Variants in ADAMTS6 observed in about 807,000 individuals in gnomAD.
The protein encoded by ADAMTS6 is ADAM metallopeptidase with thrombospondin type 1 motif 6, also known as A disintegrin and metalloproteinase with thrombospondin motifs 6.
A neutral mutation model predicts 144.3 loss-of-function variants in ADAMTS6; 23 were observed. The ratio of observed to expected loss-of-function variants is 0.16; its 90% confidence interval spans 0.11 to 0.23. The LOEUF (loss-of-function observed/expected upper bound fraction) is 0.23. ADAMTS6 is among the 10% of genes least tolerant of loss of function. The probability of loss-of-function intolerance (pLI) is 1.00; values close to 1 mark genes in which losing one functional copy is unlikely to be tolerated. For missense variants in ADAMTS6, 999 were observed against 1,379.6 expected, an observed-to-expected ratio of 0.72 and a Z score of 4.37; for synonymous variants, 444 against 457.5, an observed-to-expected ratio of 0.97 and a Z score of 0.38.
chr5:65,444,001 TAAAC>T (rs1340069364), intron 7 of ADAMTS6, among the ~76,000 whole-genome samples: 2 of 152,106 alleles, frequency 1.3e-5, no homozygotes, highest in Non-Finnish European at 2.9e-5. Flanking sequence ...AATAAATAAA[TAAAC>T]AAATAAAAGT....
Position 65,170,692 on chromosome 5 carries a change from G to T in ADAMTS6, c.3169C>A (p.Leu1057Ile), listed in dbSNP as rs1753562603. 3.1e-6 allele frequency: 5 copies of T among 1,614,108 alleles called. No homozygotes were observed. The highest frequency in any genetic ancestry group is 4.2e-6 in the Non-Finnish European group (5 of 1,180,016). ...SYTGQASSDCLETVRPPSMQQ... is the reference protein window; with the variant it reads ...SYTGQASSDCIETVRPPSMQQ... ...ATTGATGGAGGCCGAACAGTTTCTA[G>T]ACAGTCACTAGATGCCTGTCCGGTG... Residue 1057 changes from leucine (L) to isoleucine (I), a missense_variant, in exon 24 of 25, where the codon CTA becomes ATA. Leu to Ile is a conservative substitution (Grantham distance 5). Coordinates refer to ENST00000381055, the MANE Select transcript of ADAMTS6 (RefSeq NM_197941.4).
intron 10 of ADAMTS6, among the ~76,000 whole-genome samples, chr5:65,294,583 T>C (rs774187141): frequency 8.5e-5 from 13 of 152,238 alleles, no homozygotes; most frequent in Non-Finnish European, 1.8e-4. Context: ...ATTTGTCTGC[T>C]ACTTTCCTGC....
chr5:65,450,247 T>C (rs936322464), intron 7 of ADAMTS6, among the ~76,000 whole-genome samples: 1 of 152,186 alleles, frequency 6.6e-6, no homozygotes, highest in Non-Finnish European at 1.5e-5. Flanking sequence ...TCAGCAAGCA[T>C]GTCATAAACC....
At chr5:65,257,554 T>C (rs530751723) in intron 14 of ADAMTS6, among the ~76,000 whole-genome samples, 21 of 152,206 alleles carry the variant, frequency 1.4e-4, no homozygotes, top group African/African-American at 5.1e-4. Flanking sequence ...TATCCTTACG[T>C]TTTTCTTGAT....
chr5:65,286,792 A>G (rs969779075), intron 11 of ADAMTS6, among the ~76,000 whole-genome samples: 1 of 152,220 alleles, frequency 6.6e-6, no homozygotes, highest in South Asian at 2.1e-4. Context: ...CAGTCAAAAG[A>G]TTACCCACAG....
chr5:65,410,224 C>T (rs941416953), intron 7 of ADAMTS6, among the ~76,000 whole-genome samples: 8 of 152,098 alleles, frequency 5.3e-5, no homozygotes, highest in East Asian at 1.9e-4. Context: ...TAACCAACTA[C>T]GCAACAAAAG....
rs532988472 is a variant in ADAMTS6, at chr5:65,207,431, G to T, written c.2575+7363C>A. 2.6e-5 allele frequency among the ~76,000 whole-genome samples: 4 copies of T among 152,152 alleles called. No homozygotes were observed. In the South Asian group the frequency reaches 8.3e-4, roughly 32 times the overall value. On this transcript the variant is annotated intron_variant, in intron 20 of 24. Coordinates refer to ENST00000381055, the MANE Select transcript of ADAMTS6 (RefSeq NM_197941.4). ...GTACTGCAAATAAACTATTCTTAAG[G>T]TTTATTTTCTAACAGAACAGGTACA...
chr5:65,358,926 G>GA (rs1457361295), intron 7 of ADAMTS6, among the ~76,000 whole-genome samples: 2 of 151,766 alleles, frequency 1.3e-5, no homozygotes, highest in South Asian at 2.1e-4. Flanking sequence ...AAAACTACTA[G>GA]AAAAAAACAT....
chr5:65,387,272 T>A (rs1752553165), intron 7 of ADAMTS6, among the ~76,000 whole-genome samples: 1 of 152,232 alleles, frequency 6.6e-6, no homozygotes, highest in South Asian at 2.1e-4. Context: ...CATATTCATA[T>A]TCACATTTAA....
chr5:65,442,109 G>T (rs1043491734), intron 7 of ADAMTS6, among the ~76,000 whole-genome samples: 3 of 144,418 alleles, frequency 2.1e-5, no homozygotes, highest in Admixed American at 2.1e-4. Context: ...AAAAAAAAAC[G>T]AAACCAAATT....
chr5:65,273,555 C>A, intron 11 of ADAMTS6, 108 bp from the exon 12 acceptor site: 1 of 816,644 alleles, frequency 1.2e-6, no homozygotes, highest in Non-Finnish European at 1.9e-6. Context: ...CCCTGGGTAC[C>A]TTTTGCTGCT....
At chr5:65,351,393 A>G (rs1440197608) in intron 7 of ADAMTS6, among the ~76,000 whole-genome samples, 1 of 116,534 alleles carries the variant, frequency 8.6e-6, no homozygotes, top group Admixed American at 8.0e-5. Flanking sequence ...AAAGTCTCAA[A>G]GAGTTAAGTT....
intron 3 of ADAMTS6, among the ~76,000 whole-genome samples, chr5:65,467,369 A>G (rs1478093819): frequency 6.6e-6 from 1 of 152,024 alleles, no homozygotes; most frequent in Non-Finnish European, 1.5e-5. Context: ...GAAATTAGGA[A>G]AGAAAACCCA....
chr5:65,323,430 C>T (rs972517964), intron 9 of ADAMTS6, among the ~76,000 whole-genome samples: 5 of 151,968 alleles, frequency 3.3e-5, no homozygotes, highest in African/African-American at 1.2e-4. Context: ...ATCCATGTCC[C>T]TACAAAGGAC....
rs192892962 is a variant in ADAMTS6 at position 65,247,480 on chromosome 5, C to T, written c.1831-5274G>A. Among the ~76,000 whole-genome samples the T allele has an allele frequency of 3.3e-5, 5 of 152,216 alleles. No individual in the cohort carries two copies. The East Asian group carries it at 9.7e-4, about 29-fold the overall frequency. ...GGTTTTGTCCCAAAGAATAGGGTGA[C>T]GTTGGCAAGTCCCCAATCCTTTTTG... is the stretch of plus-strand genomic sequence containing the variant. On this transcript the variant is annotated intron_variant, in intron 14 of 24. Transcript: ENST00000381055.
chr5:65,336,123 T>C (rs1441433503), intron 7 of ADAMTS6, among the ~76,000 whole-genome samples: 1 of 152,052 alleles, frequency 6.6e-6, no homozygotes, highest in African/African-American at 2.4e-5. Context: ...GTTTGTATAG[T>C]AGAGAAGGAT....
chr5:65,200,463 T>C (rs1243592183), intron 20 of ADAMTS6, among the ~76,000 whole-genome samples: 1 of 152,206 alleles, frequency 6.6e-6, no homozygotes, highest in South Asian at 2.1e-4. Context: ...AGATGTTGAT[T>C]TTAAACCCGG....
At chr5:65,159,546 G>A (rs1316494000) in intron 24 of ADAMTS6, among the ~76,000 whole-genome samples, 1 of 152,106 alleles carries the variant, frequency 6.6e-6, no homozygotes, top group African/African-American at 2.4e-5. Context: ...TGTCTTCTGG[G>A]TAAACTGTTT....
intron 9 of ADAMTS6, among the ~76,000 whole-genome samples, chr5:65,312,558 C>G: frequency 6.6e-6 from 1 of 151,986 alleles, no homozygotes; most frequent in Non-Finnish European, 1.5e-5. Flanking sequence ...TATATGCAAT[C>G]TACTTTAAAA....
Sources: gnomAD v4.1 joint callset for allele counts (sites outside exome capture counted in the v4.1 genomes callset) on GRCh38, gnomAD v4.1.1 for gene constraint, MANE v1.5 for transcripts, NCBI Gene and HGNC (gene_info 2026-07-23, HGNC 2026-07-21) for gene names.